TNS1: variants seen among roughly 807,000 people sequenced by gnomAD.
The protein encoded by TNS1 is tensin-1.
Under a neutral mutation model 168.6 loss-of-function variants are expected in TNS1, and 62 were observed. The ratio of observed to expected loss-of-function variants is 0.37; its 90% CI spans 0.30 to 0.45. TNS1 has a LOEUF of 0.45. Among genes scored for constraint, TNS1 ranks in the 20% least tolerant of loss-of-function variants. TNS1 has a pLI of 1.00. For synonymous variants in TNS1, 934 were observed against 933.2 expected, an observed-to-expected ratio of 1.00 and a Z score of -0.02; for missense variants, 2,240 against 2,339.4, an observed-to-expected ratio of 0.96 and a Z score of 0.88.
At chr2:217,937,090 C>T in intron 3 of TNS1, 2 of 450,744 alleles carry the variant, frequency 4.4e-6, no homozygotes, top group South Asian at 3.1e-5. Context: ...AATGGTACCT[C>T]TTCTCCAAAG....
In TNS1 at chr2:217,813,423, GA is replaced by G. The variant is rs773949265; in HGVS notation, c.4862-117del. 6.9e-6 allele frequency: 7 copies of G among 1,011,040 alleles called. No homozygotes were observed. The highest frequency in any genetic ancestry group is 1.0e-5 in the Non-Finnish European group (7 of 669,232). 62.6% of individuals were successfully genotyped at this position (1,011,040 alleles called of 1,614,324 possible). A position where few individuals can be genotyped will look rare whatever the true frequency, so the allele number is the denominator to read the frequency against. On this transcript the variant is annotated intron_variant, in intron 26 of 32. Transcript: ENST00000682258. This position sits in a 1 kb window ranked among gnomAD's most constrained non-coding sequence, Gnocchi z 4.0. ...CGGGGCCAAGATGGGAGAAATGACT[GA>G]AGAGAGAACGTGGCTGGAGCCCCAT...
At position 217,831,626 on chromosome 2, in the gene TNS1, G is replaced by A. The variant is rs538851927; in HGVS notation, c.3281-79C>T. On this transcript the variant is annotated intron_variant, in intron 21 of 32. Transcript: ENST00000682258. ...AGACACGCCAGGCACGTGAGGGCAC[G>A]CTTAGTGAGGGCTGGGGGGCTGGAG... The A allele has an allele frequency of 7.0e-5, 82 of 1,170,296 alleles. No homozygotes were observed. In the Middle Eastern group the frequency reaches 7.6e-4, roughly 11 times the overall value. The allele number at this position is 1,170,296 out of a possible 1,614,324, so 72.5% of individuals were successfully genotyped here. A position where few individuals can be genotyped will look rare whatever the true frequency, so the allele number is the denominator to read the frequency against.
intron 18 of TNS1, among the ~76,000 whole-genome samples, chr2:217,858,838 T>C (rs1948489486): frequency 6.6e-6 from 1 of 152,070 alleles, no homozygotes; most frequent in African/African-American, 2.4e-5. Flanking sequence ...GGGCTTCACT[T>C]ATCATCCTGC....
chr2:217,895,335 G>A (rs1043661108), intron 8 of TNS1, among the ~76,000 whole-genome samples: 1 of 152,210 alleles, frequency 6.6e-6, no homozygotes, highest in Admixed American at 6.5e-5. Flanking sequence ...GTGAGTCCCA[G>A]CAGACACACC....
At chr2:217,816,153 C>A (rs1941855124) in intron 24 of TNS1, among the ~76,000 whole-genome samples, 1 of 152,140 alleles carries the variant, frequency 6.6e-6, no homozygotes, top group Non-Finnish European at 1.5e-5. Flanking sequence ...TGGTAAGAGG[C>A]CCTAGCAGTC....
chr2:217,969,594 CAAAT>C (rs1169309103), intron 3 of TNS1, among the ~76,000 whole-genome samples: 3 of 152,080 alleles, frequency 2.0e-5, no homozygotes, highest in Admixed American at 6.5e-5. Context: ...TAATAAAAGA[CAAAT>C]AACCCAATTT....
chr2:217,911,486 T>C (rs955602126), intron 4 of TNS1, among the ~76,000 whole-genome samples: 4 of 152,202 alleles, frequency 2.6e-5, no homozygotes, highest in Non-Finnish European at 4.4e-5. Flanking sequence ...GAGGCCTCAC[T>C]CTCTGGCCCT....
intron 4 of TNS1, among the ~76,000 whole-genome samples, chr2:217,918,862 G>C (rs1227163588): frequency 6.6e-6 from 1 of 151,354 alleles, no homozygotes; most frequent in African/African-American, 2.4e-5. Flanking sequence ...GCTGTTGCCA[G>C]ATGACCCTCC....
chr2:217,838,943 C>T (rs1420060628), intron 19 of TNS1, among the ~76,000 whole-genome samples: 1 of 151,902 alleles, frequency 6.6e-6, no homozygotes, highest in South Asian at 2.1e-4. Context: ...CCGCCACCAC[C>T]CTCCACCCCA....
intron 32 of TNS1, among the ~76,000 whole-genome samples, chr2:217,805,558 C>G (rs1938643809): frequency 9.4e-6 from 1 of 106,248 alleles, no homozygotes. Flanking sequence ...ACACACCACA[C>G]ACACCACCAC....
rs778217309 is a variant in TNS1 at position 217,893,393 on chromosome 2, C to T, written c.717+46G>A. The T allele has an allele frequency of 5.8e-4, 853 of 1,478,722 alleles. 3 individuals carry two copies. Among genetic ancestry groups the T allele is most frequent in the South Asian group, 2.2e-3 (163 of 75,554 alleles). The allele number at this position is 1,478,722 out of a possible 1,614,324, so 91.6% of individuals were successfully genotyped here. ...AGGCACACACACATGTGCGCATGTG[C>T]GCGCGCGCACACACACACACACACA... is the stretch of plus-strand genomic sequence containing the variant. On this transcript the variant is annotated intron_variant, in intron 10 of 32. Transcript: ENST00000682258.
intron 3 of TNS1, among the ~76,000 whole-genome samples, chr2:217,922,476 A>G (rs1377660060): frequency 6.6e-6 from 1 of 152,214 alleles, no homozygotes; most frequent in Non-Finnish European, 1.5e-5. Flanking sequence ...AAGCTGCCAG[A>G]GGACGGGCTG....
At chr2:217,807,536 G>C (rs1490221632) in intron 32 of TNS1, among the ~76,000 whole-genome samples, 1 of 152,124 alleles carries the variant, frequency 6.6e-6, no homozygotes, top group African/African-American at 2.4e-5. Flanking sequence ...TGAGGGCAGG[G>C]TCAGAGACCC....
In TNS1 at chr2:217,842,484, C is replaced by G. The variant is rs377623128; in HGVS notation, c.3007+5026G>C. ...CTCTCTCATTCCATGTGTAATCTAT[C>G]AGTAATCTTGTTGGCTCTACCTCCA... On this transcript the variant is annotated intron_variant, in intron 19 of 32. Coordinates refer to ENST00000682258, the MANE Select transcript of TNS1 (RefSeq NM_001387777.1). Among the ~76,000 whole-genome samples the G allele has an allele frequency of 2.8e-4, 43 of 152,312 alleles. 1 individual carries two copies. The East Asian group carries it at 6.2e-3, about 22-fold the overall frequency.
intron 3 of TNS1, among the ~76,000 whole-genome samples, chr2:217,945,366 G>T (rs1444118584): frequency 1.3e-5 from 2 of 152,210 alleles, no homozygotes; most frequent in Non-Finnish European, 2.9e-5. Context: ...TGGAGCATGT[G>T]GGGCCAGAGC....
At chr2:217,959,278 T>A (rs1001671114) in intron 3 of TNS1, among the ~76,000 whole-genome samples, 1 of 152,206 alleles carries the variant, frequency 6.6e-6, no homozygotes, top group Non-Finnish European at 1.5e-5. Flanking sequence ...TTGACACAAC[T>A]CACATAAAGC....
At chr2:217,902,004 G>A (rs1256357102) in intron 6 of TNS1, 1 of 152,264 alleles carries the variant, frequency 6.6e-6, no homozygotes, top group Admixed American at 6.6e-5. Flanking sequence ...GCCAAGTGGG[G>A]CTACTGGGGG....
intron 1 of TNS1, among the ~76,000 whole-genome samples, chr2:218,030,229 G>A (rs1022409268): frequency 2.0e-5 from 3 of 152,160 alleles, no homozygotes; most frequent in East Asian, 1.9e-4. Flanking sequence ...AACAGGTCCC[G>A]GCTCTTCTCC....
At position 217,957,119 on chromosome 2, in the gene TNS1, G is replaced by A. The variant is rs372770332; in HGVS notation, c.186+21646C>T. On this transcript the variant is annotated intron_variant, in intron 3 of 32. Transcript: ENST00000682258. ...GCTGGAAGACGGGGTGTGTTCCCAC[G>A]AGGCCACCCCCAGGGCGGCCCGCCC... 2.2e-4 allele frequency among the ~76,000 whole-genome samples: 33 copies of A among 152,300 alleles called. No homozygotes were observed. In the East Asian group the frequency reaches 3.5e-3, roughly 16 times the overall value.
Sources: allele counts gnomAD v4.1 joint callset (sites outside exome capture counted in the v4.1 genomes callset), GRCh38; gene constraint gnomAD v4.1.1; non-coding constraint Gnocchi (gnomAD v3.1); transcripts MANE v1.5; gene names NCBI Gene and HGNC (gene_info 2026-07-23, HGNC 2026-07-21).